PPFIA2: variants seen among roughly 807,000 people sequenced by gnomAD.
PPFIA2 encodes the protein liprin-alpha-2.
In PPFIA2, 46 loss-of-function variants were observed where a neutral mutation model predicts 175.5. The observed-to-expected ratio is 0.26, with a 90% confidence interval of 0.21 to 0.34. The LOEUF (loss-of-function observed/expected upper bound fraction) is 0.34. Among genes scored for constraint, PPFIA2 ranks in the 10% least tolerant of loss-of-function variants. The pLI is 1.00. For synonymous variants in PPFIA2, 568 were observed against 511.4 expected, an observed-to-expected ratio of 1.11 and a Z score of -1.49; for missense variants, 1,179 against 1,506.1, an observed-to-expected ratio of 0.78 and a Z score of 3.60.
chr12:81,587,658 AATT>A (rs2075479864), intron 4 of PPFIA2, among the ~76,000 whole-genome samples: 1 of 152,066 alleles, frequency 6.6e-6, no homozygotes, highest in Non-Finnish European at 1.5e-5. Context: ...TTGGAAGTAG[AATT>A]ATGTAATTGA....
At chr12:81,493,160 A>T (rs2059600026) in intron 4 of PPFIA2, among the ~76,000 whole-genome samples, 2 of 152,246 alleles carry the variant, frequency 1.3e-5, no homozygotes, top group South Asian at 4.1e-4. Flanking sequence ...TGAGATGTCA[A>T]TTAGACAACT....
At chr12:81,730,891 C>A (rs1261634443) in intron 3 of PPFIA2, among the ~76,000 whole-genome samples, 2 of 149,152 alleles carry the variant, frequency 1.3e-5, no homozygotes, top group African/African-American at 2.4e-5. Flanking sequence ...TAAATGAGTT[C>A]TTGTTATGAC....
At chr12:81,364,689 A>G (rs1361529203) in intron 14 of PPFIA2, among the ~76,000 whole-genome samples, 2 of 151,834 alleles carry the variant, frequency 1.3e-5, no homozygotes, top group African/African-American at 4.8e-5. Flanking sequence ...AAAAGAGAGG[A>G]AATTTTGAGG....
Position 81,268,078 on chromosome 12 carries a change from A to G in PPFIA2, c.3320T>C (p.Val1107Ala), listed in dbSNP as rs2037848589. 1.3e-6 allele frequency: 2 copies of G among 1,590,848 alleles called. No homozygotes were observed. The highest frequency in any genetic ancestry group is 2.3e-5 in the South Asian group (2 of 87,612). The change falls in exon 29 of 33, where the codon GTG becomes GCG. Residue 1107 changes from valine to alanine, a missense_variant. By Grantham distance (64) the Val-to-Ala change is moderately conservative. Coordinates refer to ENST00000549396, the MANE Select transcript of PPFIA2 (RefSeq NM_003625.5). ...ASQHEIKDVL[V>A]WSNDRVIRWI... The stretch of plus-strand genomic sequence containing the variant: ...GCGAATAACTCGGTCATTGCTCCAC[A>G]CCAACACGTCTAGGAAAAGAGATGC...
intron 3 of PPFIA2, among the ~76,000 whole-genome samples, chr12:81,703,470 T>C (rs1393942099): frequency 6.6e-6 from 1 of 152,052 alleles, no homozygotes; most frequent in Non-Finnish European, 1.5e-5. Context: ...ATGTATAGCA[T>C]CTTCTTTTCA....
intron 4 of PPFIA2, among the ~76,000 whole-genome samples, chr12:81,469,899 G>C (rs1035950733): frequency 6.6e-6 from 1 of 152,146 alleles, no homozygotes; most frequent in Non-Finnish European, 1.5e-5. Context: ...GGACACCAGA[G>C]CTCTCTCTCT....
intron 4 of PPFIA2, among the ~76,000 whole-genome samples, chr12:81,535,836 A>G (rs181001817): frequency 9.9e-5 from 15 of 151,956 alleles, no homozygotes; most frequent in African/African-American, 3.6e-4. Flanking sequence ...CACTTGTTAT[A>G]ACTATAACTT....
At chr12:81,424,421 G>A (rs2116681) in intron 7 of PPFIA2, among the ~76,000 whole-genome samples, 11,169 of 152,048 alleles carry the variant, frequency 0.073, 603 homozygotes, top group African/African-American at 0.15. Flanking sequence ...TTATTTGAAC[G>A]AAATATGCTT....
Position 81,259,634 on chromosome 12 carries a change from A to G in PPFIA2, c.*60T>C. On this transcript the variant is annotated 3_prime_UTR_variant, in exon 33 of 33. Coordinates refer to ENST00000549396, the MANE Select transcript of PPFIA2 (RefSeq NM_003625.5). ...GTCTTCTTAGATGGTAGTGCACTTT[A>G]GGTAGAGTAGACTGAAAAGACGCCA... 1 of 1,534,116 alleles carries G rather than the reference A, an allele frequency of 6.5e-7. No individual in the cohort carries two copies. Among genetic ancestry groups the G allele is most frequent in the Non-Finnish European group, 8.7e-7 (1 of 1,145,320 alleles).
intron 4 of PPFIA2, among the ~76,000 whole-genome samples, chr12:81,462,585 C>CATATATATATACAT (rs1555402548): frequency 2.6e-4 from 32 of 124,672 alleles, no homozygotes; most frequent in African/African-American, 8.5e-4. Context: ...TATATATATA[C>CATATATATATACAT]ATATATATAT....
chr12:81,633,254 C>A (rs1027827472), intron 4 of PPFIA2, among the ~76,000 whole-genome samples: 1 of 152,072 alleles, frequency 6.6e-6, no homozygotes, highest in Non-Finnish European at 1.5e-5. Flanking sequence ...TCTGGGATTT[C>A]TCTTTCTTAT....
intron 3 of PPFIA2, among the ~76,000 whole-genome samples, chr12:81,727,935 A>C (rs1281029474): frequency 6.6e-6 from 1 of 151,354 alleles, no homozygotes; most frequent in Admixed American, 6.6e-5. Context: ...ACCTATTTCT[A>C]TTTCACGGGT....
chr12:81,519,859 T>C (rs535611542), intron 4 of PPFIA2, among the ~76,000 whole-genome samples: 3 of 152,354 alleles, frequency 2.0e-5, no homozygotes, highest in African/African-American at 7.2e-5. Context: ...AAACAGGTAG[T>C]ACCAAATTTT....
In PPFIA2 at chr12:81,535,997, A is replaced by G. The variant is rs1232891611; in HGVS notation, c.304-78131T>C. ...CTTCATTAAATCAGGCAGGTCATAAAAAACAAGCAAAGCCACATTTTCAAA... is the reference window on the plus strand; with the variant it reads ...CTTCATTAAATCAGGCAGGTCATAAGAAACAAGCAAAGCCACATTTTCAAA... On this transcript the variant is annotated intron_variant, in intron 4 of 32. Transcript: ENST00000549396. 2.6e-5 allele frequency among the ~76,000 whole-genome samples: 4 copies of G among 151,778 alleles called. No individual in the cohort carries two copies. In the South Asian group the frequency reaches 8.3e-4, roughly 31 times the overall value.
intron 4 of PPFIA2, among the ~76,000 whole-genome samples, chr12:81,611,762 C>A (rs560730220): frequency 6.6e-4 from 101 of 152,248 alleles, no homozygotes; most frequent in African/African-American, 2.2e-3. Context: ...CTGCTTTTCA[C>A]TAGAGCTGCC....
chr12:81,269,327 A>G (rs1031563323), intron 28 of PPFIA2, among the ~76,000 whole-genome samples: 1 of 152,218 alleles, frequency 6.6e-6, no homozygotes, highest in African/African-American at 2.4e-5. Context: ...TATAATTACT[A>G]TTAAAGTAAA....
intron 22 of PPFIA2, among the ~76,000 whole-genome samples, chr12:81,320,531 C>G (rs775870859): frequency 2.0e-5 from 3 of 151,880 alleles, no homozygotes; most frequent in Non-Finnish European, 4.4e-5. Context: ...AATATATTAT[C>G]TTTATTGTAA....
At chr12:81,584,794 T>A (rs905563794) in intron 4 of PPFIA2, among the ~76,000 whole-genome samples, 3 of 133,494 alleles carry the variant, frequency 2.2e-5, no homozygotes, top group Non-Finnish European at 4.6e-5. Flanking sequence ...GCATTATATA[T>A]AATATATATA....
chr12:81,640,866 C>T (rs1205074860), intron 4 of PPFIA2, among the ~76,000 whole-genome samples: 2 of 151,860 alleles, frequency 1.3e-5, no homozygotes, highest in Admixed American at 1.3e-4. Flanking sequence ...CCATCATTTA[C>T]AGTTTTTTTT....
Sources: gnomAD v4.1 joint callset for allele counts (sites outside exome capture counted in the v4.1 genomes callset) on GRCh38, gnomAD v4.1.1 for gene constraint, MANE v1.5 for transcripts, NCBI Gene and HGNC (gene_info 2026-07-23, HGNC 2026-07-21) for gene names.